The following GRID1 variants were observed in gnomAD, a reference collection of about 807,000 sequenced individuals.
GRID1 encodes glutamate receptor ionotropic, delta-1.
In GRID1, 28 loss-of-function variants were observed where a neutral mutation model predicts 98.0. The ratio of observed to expected loss-of-function variants is 0.29; its 90% CI spans 0.21 to 0.39. The LOEUF is 0.39. Ranked by LOEUF, GRID1 falls within the 10% of genes least tolerant of loss-of-function variation. GRID1 has a pLI of 1.00. For synonymous variants in GRID1, 553 were observed against 538.5 expected (o/e 1.03, Z -0.37); for missense variants, 1,111 against 1,340.5 (o/e 0.83, Z 2.67).
At position 86,248,505 on chromosome 10, in the gene GRID1, G is replaced by A. The variant is rs140746076; in HGVS notation, c.236-41857C>T. On this transcript the variant is annotated intron_variant, in intron 2 of 15. Transcript: ENST00000327946. Reference sequence around the variant, plus strand: ...TCTGCACTGGTCGTACAAAACGTTGGATAAATCCCAATCTCTCTAGACCTC... The same window carrying A: ...TCTGCACTGGTCGTACAAAACGTTGAATAAATCCCAATCTCTCTAGACCTC... 5.1e-3 allele frequency among the ~76,000 whole-genome samples: 780 copies of A among 151,480 alleles called. 4 individuals carry two copies. Among genetic ancestry groups the A allele is most frequent in the Admixed American group, 0.011 (162 of 15,222 alleles).
Position 85,824,358 on chromosome 10 carries a change from C to T in GRID1, c.1233+30138G>A, listed in dbSNP as rs1209566327. Among the ~76,000 whole-genome samples the T allele has an allele frequency of 2.0e-5, 3 of 152,044 alleles. 1 individual carries two copies. The highest frequency in any genetic ancestry group is 3.9e-4 in the East Asian group (2 of 5,168). On this transcript the variant is annotated intron_variant, in intron 8 of 15. Transcript: ENST00000327946. ...TCCCATGTAGCTGGGATTACAGACT[C>T]ACACCACCACACCTAGTTAATTTTT... is the stretch of plus-strand genomic sequence containing the variant.
intron 4 of GRID1, among the ~76,000 whole-genome samples, chr10:85,978,528 T>C (rs1286169417): frequency 6.6e-6 from 1 of 152,096 alleles, no homozygotes; most frequent in Non-Finnish European, 1.5e-5. Flanking sequence ...GTTACACTGA[T>C]CACATTACCA....
chr10:85,743,532 C>T lies in GRID1; in HGVS notation c.1234-13918G>A, dbSNP rs555679500. 4.6e-5 allele frequency among the ~76,000 whole-genome samples: 7 copies of T among 152,194 alleles called. 1 individual carries two copies. The highest frequency in any genetic ancestry group is 1.7e-4 in the African/African-American group (7 of 41,524). The stretch of plus-strand genomic sequence containing the variant: ...AAAATATGTGGAATTGGCTTTGAGA[C>T]TGTGTCTAGGAAGGAAGATAGGAGA... On this transcript the variant is annotated intron_variant, in intron 8 of 15. Coordinates refer to ENST00000327946, the MANE Select transcript of GRID1 (RefSeq NM_017551.3).
chr10:85,771,089 A>T (rs373344858), intron 8 of GRID1, among the ~76,000 whole-genome samples: 1 of 152,248 alleles, frequency 6.6e-6, no homozygotes, highest in Non-Finnish European at 1.5e-5. Context: ...CGGGTTACCC[A>T]CAAAGGGAAG....
chr10:85,727,971 C>T lies in GRID1; in HGVS notation c.1417G>A (p.Ala473Thr), dbSNP rs1308238345. The change falls in exon 10 of 16, where the codon GCA becomes ACA. Residue 473 changes from alanine to threonine, a missense_variant. Coordinates refer to ENST00000327946, the MANE Select transcript of GRID1 (RefSeq NM_017551.3). ...TTAAAGCCCAGAGCCTTGGCCAGTG[C>T]ATCCAGGACATCTATGGAGAACCCT... is the stretch of plus-strand genomic sequence containing the variant. ...YKGFSIDVLD[A>T]LAKALGFKYE... is the part of the protein sequence containing the mutation. 1 of 1,613,510 alleles carries T rather than the reference C, an allele frequency of 6.2e-7. No homozygotes were observed. The highest frequency in any genetic ancestry group is 1.3e-5 in the African/African-American group (1 of 74,880).
chr10:86,305,359 TC>T (rs1225606105), intron 2 of GRID1, among the ~76,000 whole-genome samples: 4 of 152,226 alleles, frequency 2.6e-5, no homozygotes, highest in Non-Finnish European at 5.9e-5. Flanking sequence ...CTGAGATGTG[TC>T]CCATAAGCCT....
chr10:85,838,450 AACTACAG>A (rs1842931313), intron 8 of GRID1, among the ~76,000 whole-genome samples: 1 of 152,222 alleles, frequency 6.6e-6, no homozygotes, highest in Non-Finnish European at 1.5e-5. Context: ...TCATCAAACT[AACTACAG>A]ACCTCTCAGC....
chr10:85,654,006 G>C (rs533168193), intron 12 of GRID1, among the ~76,000 whole-genome samples: 4 of 152,320 alleles, frequency 2.6e-5, no homozygotes, highest in African/African-American at 9.6e-5. Context: ...CCAAAGCCTA[G>C]TCGGTGTGAT....
intron 3 of GRID1, among the ~76,000 whole-genome samples, chr10:86,157,949 G>A (rs1845269039): frequency 6.6e-6 from 1 of 152,204 alleles, no homozygotes; most frequent in African/African-American, 2.4e-5. Context: ...CTCCCTGAAA[G>A]GATGTTGAGC....
intron 4 of GRID1, among the ~76,000 whole-genome samples, chr10:86,089,408 T>C (rs2131937169): frequency 6.6e-6 from 1 of 152,102 alleles, no homozygotes; most frequent in Non-Finnish European, 1.5e-5. Context: ...CATTTGACAA[T>C]AATGAGACAG....
chr10:86,153,064 C>T (rs988688012), intron 3 of GRID1, among the ~76,000 whole-genome samples: 2 of 152,254 alleles, frequency 1.3e-5, no homozygotes, highest in African/African-American at 4.8e-5. Context: ...TTGTGGGCCT[C>T]CTGACGCCAC....
intron 4 of GRID1, among the ~76,000 whole-genome samples, chr10:85,939,739 T>C (rs997841469): frequency 6.6e-6 from 1 of 152,168 alleles, no homozygotes; most frequent in African/African-American, 2.4e-5. Flanking sequence ...TCTTTCGTCC[T>C]GTAACATAAC....
chr10:86,258,470 GA>G (rs1398309842), intron 2 of GRID1, among the ~76,000 whole-genome samples: 1 of 152,204 alleles, frequency 6.6e-6, no homozygotes, highest in African/African-American at 2.4e-5. Flanking sequence ...AGCAAAAAGT[GA>G]TTTTCCTCTC....
At chr10:86,219,663 G>A (rs569980460) in intron 2 of GRID1, among the ~76,000 whole-genome samples, 1 of 152,364 alleles carries the variant, frequency 6.6e-6, no homozygotes, top group African/African-American at 2.4e-5. Context: ...GGTAGTGGGG[G>A]TAAATGGAGC....
intron 8 of GRID1, among the ~76,000 whole-genome samples, chr10:85,769,257 A>G (rs1443270150): frequency 6.6e-6 from 1 of 152,230 alleles, no homozygotes; most frequent in East Asian, 1.9e-4. Flanking sequence ...TTAATACCAG[A>G]ACAGAAGACC....
At chr10:85,937,609 G>T (rs965929146) in intron 4 of GRID1, among the ~76,000 whole-genome samples, 1 of 152,220 alleles carries the variant, frequency 6.6e-6, no homozygotes, top group African/African-American at 2.4e-5. Flanking sequence ...GATTCTAGAT[G>T]ATAGGAGCTG....
intron 4 of GRID1, among the ~76,000 whole-genome samples, chr10:85,939,998 C>G (rs1012744775): frequency 4.2e-5 from 6 of 143,004 alleles, no homozygotes; most frequent in African/African-American, 1.3e-4. Context: ...ACCTGGGAGG[C>G]GGAGGTTGCA....
intron 2 of GRID1, among the ~76,000 whole-genome samples, chr10:86,274,009 A>T (rs1281077491): frequency 3.3e-5 from 5 of 152,200 alleles, no homozygotes; most frequent in Admixed American, 6.5e-5. Flanking sequence ...CTGAATGGTA[A>T]TGCCTAGGTT....
At chr10:85,894,257 T>C (rs1218138113) in intron 5 of GRID1, among the ~76,000 whole-genome samples, 1 of 152,042 alleles carries the variant, frequency 6.6e-6, no homozygotes, top group Non-Finnish European at 1.5e-5. Flanking sequence ...TAAATAACTA[T>C]ATAAAAAAAT....
Sources: allele counts gnomAD v4.1 joint callset (sites outside exome capture counted in the v4.1 genomes callset), GRCh38; gene constraint gnomAD v4.1.1; transcripts MANE v1.5; gene names NCBI Gene and HGNC (gene_info 2026-07-23, HGNC 2026-07-21).